The following EFCAB3 variants were observed in gnomAD, a reference collection of about 807,000 sequenced individuals.
EFCAB3 encodes the protein EF-hand calcium binding domain 3.
Under a neutral mutation model 42.2 loss-of-function variants are expected in EFCAB3, and 36 were observed. The ratio of observed to expected loss-of-function variants is 0.85; its 90% CI spans 0.65 to 1.13. The LOEUF (loss-of-function observed/expected upper bound fraction) is 1.13. Ranked by LOEUF, EFCAB3 falls within the 50% of genes most tolerant of loss-of-function variation. The pLI is 0.00. For missense variants in EFCAB3, 418 were observed against 505.1 expected, an observed-to-expected ratio of 0.83 and a Z score of 1.65; for synonymous variants, 170 against 172.8, an observed-to-expected ratio of 0.98 and a Z score of 0.13.
chr17:62,415,399 T>A (rs916742315), intron 9 of EFCAB3, among the ~76,000 whole-genome samples: 2 of 152,246 alleles, frequency 1.3e-5, no homozygotes, highest in Admixed American at 6.5e-5. Context: ...CACTGAGGAA[T>A]AGGCTTTTGC....
chr17:62,381,432 G>A (rs1037737405), intron 1 of EFCAB3, among the ~76,000 whole-genome samples: 1 of 152,060 alleles, frequency 6.6e-6, no homozygotes, highest in East Asian at 1.9e-4. Flanking sequence ...AATAACAAGA[G>A]AGGGGGAAGC....
intron 9 of EFCAB3, among the ~76,000 whole-genome samples, chr17:62,414,156 C>T (rs1167180853): frequency 6.6e-6 from 1 of 152,200 alleles, no homozygotes; most frequent in Non-Finnish European, 1.5e-5. Flanking sequence ...AGTTAACCAA[C>T]AGTCACAGTG....
intron 3 of EFCAB3, 149 bp downstream of exon 3, chr17:62,387,565 A>G: frequency 1.6e-6 from 1 of 612,192 alleles, no homozygotes; most frequent in Non-Finnish European, 2.6e-6. Flanking sequence ...TTTGTGGGAC[A>G]GGAGGGAAAT....
At chr17:62,413,412 G>T (rs904342018) in intron 8 of EFCAB3, among the ~76,000 whole-genome samples, 1 of 152,154 alleles carries the variant, frequency 6.6e-6, no homozygotes, top group Non-Finnish European at 1.5e-5. Context: ...ATAAGTTACA[G>T]ATACGTTTGT....
chr17:62,413,719 A>C lies in EFCAB3; in HGVS notation c.868-13A>C, dbSNP rs763083857. ...AATGTATTACTAACCTTCTTTTTTA[A>C]ATATGCATAAAGGCAGCAAATATAA... is the stretch of plus-strand genomic sequence containing the variant. On this transcript the variant is annotated splice_polypyrimidine_tract_variant and intron_variant, in intron 8 of 9. Transcript: ENST00000305286. 1.3e-5 allele frequency: 20 copies of C among 1,566,318 alleles called. No homozygotes were observed. The highest frequency in any genetic ancestry group is 3.4e-4 in the Middle Eastern group (2 of 5,848).
At chr17:62,395,347 A>G (rs1009600351) in intron 6 of EFCAB3, among the ~76,000 whole-genome samples, 159 bp downstream of exon 6, 2 of 152,106 alleles carry the variant, frequency 1.3e-5, no homozygotes, top group African/African-American at 4.8e-5. Context: ...ACAACATGAG[A>G]CCTTATTCCC....
chr17:62,371,832 C>CT (rs1304800226), intron 1 of EFCAB3, among the ~76,000 whole-genome samples: 5 of 152,206 alleles, frequency 3.3e-5, no homozygotes, highest in Non-Finnish European at 4.4e-5. Context: ...TATATAAATA[C>CT]TTTTTTATTT....
At chr17:62,402,085 CTGTT>C (rs1414376406) in intron 6 of EFCAB3, among the ~76,000 whole-genome samples, 1 of 152,118 alleles carries the variant, frequency 6.6e-6, no homozygotes, top group Non-Finnish European at 1.5e-5. Context: ...ATTTGGCTCT[CTGTT>C]TGTCTGTTAT....
At position 62,393,649 on chromosome 17, in the gene EFCAB3, G is replaced by A. The variant is rs1246774929; in HGVS notation, c.367+5G>A. 6.2e-7 allele frequency: 1 copy of A among 1,613,516 alleles called. No homozygotes were observed. Among genetic ancestry groups the A allele is most frequent in the Non-Finnish European group, 8.5e-7 (1 of 1,179,628 alleles). ...ATCTCTTCCTCAAGGCAGTGGGTGAGTAGAGATGTTATGAACAGAAGGCAG... is the reference window on the plus strand; with the variant it reads ...ATCTCTTCCTCAAGGCAGTGGGTGAATAGAGATGTTATGAACAGAAGGCAG... On this transcript the variant is annotated splice_donor_5th_base_variant and intron_variant, in intron 5 of 9. Coordinates refer to ENST00000305286, the MANE Select transcript of EFCAB3 (RefSeq NM_173503.4).
In EFCAB3 at chr17:62,393,647, G is replaced by A; in HGVS notation, c.367+3G>A. On this transcript the variant is annotated splice_donor_region_variant and intron_variant, in intron 5 of 9. Transcript: ENST00000305286. ...GAATCTCTTCCTCAAGGCAGTGGGT[G>A]AGTAGAGATGTTATGAACAGAAGGC... 2 of 1,613,700 alleles carry A rather than the reference G, an allele frequency of 1.2e-6. No homozygotes were observed. Among genetic ancestry groups the A allele is most frequent in the Non-Finnish European group, 1.7e-6 (2 of 1,179,654 alleles).
intron 2 of EFCAB3, 47 bp from the exon 3 acceptor site, chr17:62,387,293 G>A (rs778771835): frequency 6.9e-7 from 1 of 1,451,926 alleles, no homozygotes; most frequent in East Asian, 2.3e-5. Flanking sequence ...AATATCTGCT[G>A]GTTTCACATA....
At chr17:62,415,914 G>C (rs1262127077) in intron 9 of EFCAB3, 89 bp from the exon 10 acceptor site, 3 of 1,125,778 alleles carry the variant, frequency 2.7e-6, no homozygotes, top group Non-Finnish European at 3.8e-6. Context: ...GTAGCCCAGG[G>C]ACATAACTCT....
At chr17:62,405,825 A>G (rs1171046094) in intron 6 of EFCAB3, among the ~76,000 whole-genome samples, 1 of 152,224 alleles carries the variant, frequency 6.6e-6, no homozygotes, top group East Asian at 1.9e-4. Context: ...CTCCAAAAAA[A>G]ATGATAGGAA....
At position 62,396,505 on chromosome 17, in the gene EFCAB3, G is replaced by C. The variant is rs187932811; in HGVS notation, c.488+1317G>C. Among the ~76,000 whole-genome samples the C allele has an allele frequency of 6.6e-3, 1,001 of 151,696 alleles. 5 individuals are homozygous for C. Among genetic ancestry groups the C allele is most frequent in the Non-Finnish European group, 0.01 (713 of 67,948 alleles). On this transcript the variant is annotated intron_variant, in intron 6 of 9. Coordinates refer to ENST00000305286, the MANE Select transcript of EFCAB3 (RefSeq NM_173503.4). ...GATGCGGAGGGTTGCAGTGAGCCGAGATCACTCCATTGCACTCCAGCCTGG... is the reference window on the plus strand; with the variant it reads ...GATGCGGAGGGTTGCAGTGAGCCGACATCACTCCATTGCACTCCAGCCTGG...
intron 3 of EFCAB3, among the ~76,000 whole-genome samples, chr17:62,391,094 A>G (rs2070298929): frequency 1.3e-5 from 2 of 152,156 alleles, no homozygotes; most frequent in African/African-American, 4.8e-5. Flanking sequence ...CAAATTTATT[A>G]TCTCACAGTT....
rs936452498 is a variant in EFCAB3, at chr17:62,400,961, C to CT, written c.489-5514dup. On this transcript the variant is annotated intron_variant, in intron 6 of 9. Transcript: ENST00000305286. ...TTAATGACTTTAATGATTTTAATGA[C>CT]TTTTTAATGATTGCCATTCTAACTG... is the stretch of plus-strand genomic sequence containing the variant. Among the ~76,000 whole-genome samples the CT allele has an allele frequency of 9.9e-5, 15 of 152,098 alleles. 1 individual carries two copies. The highest frequency in any genetic ancestry group is 6.6e-4 in the Admixed American group (10 of 15,260).
At chr17:62,408,951 G>T (rs1032081765) in intron 8 of EFCAB3, among the ~76,000 whole-genome samples, 1 of 152,168 alleles carries the variant, frequency 6.6e-6, no homozygotes, top group African/African-American at 2.4e-5. Context: ...ACTTTAGGAG[G>T]CCTCTCTAAC....
intron 3 of EFCAB3, among the ~76,000 whole-genome samples, chr17:62,391,355 C>A (rs1251710576): frequency 6.6e-6 from 1 of 151,822 alleles, no homozygotes; most frequent in Non-Finnish European, 1.5e-5. Context: ...AGCTTCTCAG[C>A]CTCTTTAGCA....
chr17:62,380,390 G>A (rs1267370594), upstream of EFCAB3, among the ~76,000 whole-genome samples: 1 of 152,150 alleles, frequency 6.6e-6, no homozygotes, highest in Non-Finnish European at 1.5e-5. Flanking sequence ...GTGTCAAAAT[G>A]TTCAGATTTT....
Sources: allele counts gnomAD v4.1 joint callset (sites outside exome capture counted in the v4.1 genomes callset), GRCh38; gene constraint gnomAD v4.1.1; transcripts MANE v1.5; gene names NCBI Gene and HGNC (gene_info 2026-07-23, HGNC 2026-07-21).